The following PATJ variants were observed in gnomAD, a reference collection of about 807,000 sequenced individuals.
The protein encoded by PATJ is inaD-like protein.
A neutral mutation model predicts 224.9 loss-of-function variants in PATJ; 190 were observed. The ratio of observed to expected loss-of-function variants is 0.84; its 90% CI spans 0.75 to 0.95. PATJ has a LOEUF of 0.95. PATJ is among the 40% of genes least tolerant of loss of function. The pLI is 0.00. For missense variants in PATJ, 2,121 were observed against 2,270.3 expected, an observed-to-expected ratio of 0.93 and a Z score of 1.34; for synonymous variants, 769 against 820.3, an observed-to-expected ratio of 0.94 and a Z score of 1.07.
At chr1:61,805,679 T>TC (rs535867726) in intron 13 of PATJ, among the ~76,000 whole-genome samples, 155 bp downstream of exon 13, 4 of 152,118 alleles carry the variant, frequency 2.6e-5, no homozygotes, top group East Asian at 1.9e-4. Context: ...TCGATTTTTT[T>TC]CCCCCCATCT....
intron 26 of PATJ, 128 bp from the exon 27 acceptor site, chr1:61,927,602 C>T (rs1029717428): frequency 1.6e-6 from 1 of 610,162 alleles, no homozygotes; most frequent in South Asian, 2.2e-5. Context: ...GTTTTACAGT[C>T]CTCATGATAT....
At chr1:62,149,648 C>T (rs189709683) in intron 42 of PATJ, among the ~76,000 whole-genome samples, 4 of 151,604 alleles carry the variant, frequency 2.6e-5, no homozygotes, top group East Asian at 3.9e-4. Flanking sequence ...GGAAGTACAG[C>T]GTACCTTTAG....
rs755465552 is a variant in PATJ at position 61,875,367 on chromosome 1, GT to G, written c.2959+4del. The stretch of plus-strand genomic sequence containing the variant: ...TTAGCAAAAACTAGTCTGGATTTAG[GT>G]TTGTGACTTTTGTTTCTCATAAACA... On this transcript the variant is annotated splice_donor_variant, in intron 21 of 43. Transcript: ENST00000642238. LOFTEE classifies it high-confidence loss of function. 6 of 1,597,142 alleles carry G rather than the reference GT, an allele frequency of 3.8e-6. No individual in the cohort carries two copies. Among genetic ancestry groups the G allele is most frequent in the Non-Finnish European group, 5.1e-6 (6 of 1,174,570 alleles).
At chr1:61,946,836 G>A (rs949934906) in intron 27 of PATJ, among the ~76,000 whole-genome samples, 1 of 152,088 alleles carries the variant, frequency 6.6e-6, no homozygotes, top group Non-Finnish European at 1.5e-5. Context: ...CCAGCAAACC[G>A]AATCCAGCAG....
At chr1:61,820,698 A>C (rs184144449) in intron 14 of PATJ, among the ~76,000 whole-genome samples, 12 of 152,306 alleles carry the variant, frequency 7.9e-5, no homozygotes, top group Middle Eastern at 6.8e-3. Flanking sequence ...TTGTTTAACA[A>C]CTGGCTTGCA....
chr1:61,815,428 CT>C (rs1054267065), intron 14 of PATJ, among the ~76,000 whole-genome samples: 1 of 152,192 alleles, frequency 6.6e-6, no homozygotes, highest in African/African-American at 2.4e-5. Context: ...TGTCTATGAT[CT>C]TAGGTCCAGG....
chr1:61,757,247 T>C (rs1645702067), intron 1 of PATJ, among the ~76,000 whole-genome samples: 1 of 151,970 alleles, frequency 6.6e-6, no homozygotes, highest in Non-Finnish European at 1.5e-5. Context: ...ATTTTTAAAA[T>C]TTTTTGTAGA....
At chr1:62,155,185 C>G (rs1463744020) in intron 43 of PATJ, among the ~76,000 whole-genome samples, 1 of 152,166 alleles carries the variant, frequency 6.6e-6, no homozygotes, top group Non-Finnish European at 1.5e-5. Flanking sequence ...TTAACACGTT[C>G]TGCTGGCCTG....
intron 27 of PATJ, among the ~76,000 whole-genome samples, chr1:61,983,541 T>A (rs146187926): frequency 0.013 from 2,044 of 152,230 alleles, 38 homozygotes; most frequent in Middle Eastern, 0.041. Flanking sequence ...GAGAAAAAAA[T>A]TGTATCTGTC....
At chr1:61,990,556 C>A (rs2149546221) in intron 28 of PATJ, 192 bp downstream of exon 28, 1 of 428,878 alleles carries the variant, frequency 2.3e-6, no homozygotes, top group Non-Finnish European at 4.0e-6. Context: ...TAAGTAAAAA[C>A]TAATCTCACA....
chr1:61,891,757 A>G (rs1423081139), intron 22 of PATJ, among the ~76,000 whole-genome samples: 1 of 152,190 alleles, frequency 6.6e-6, no homozygotes. Context: ...AAGCTCTTAA[A>G]CACCATTTTA....
intron 5 of PATJ, among the ~76,000 whole-genome samples, chr1:61,769,633 T>C (rs1183900922): frequency 6.6e-6 from 1 of 152,158 alleles, no homozygotes; most frequent in Non-Finnish European, 1.5e-5. Context: ...TTCCATTCTG[T>C]AGATGAGAAA....
chr1:61,887,049 A>G (rs1668984855), intron 22 of PATJ, among the ~76,000 whole-genome samples: 1 of 151,706 alleles, frequency 6.6e-6, no homozygotes, highest in South Asian at 2.1e-4. Flanking sequence ...GAAAATATAT[A>G]TATGTGTATA....
At chr1:62,029,363 G>C (rs1648741932) in intron 29 of PATJ, among the ~76,000 whole-genome samples, 1 of 152,180 alleles carries the variant, frequency 6.6e-6, no homozygotes, top group Non-Finnish European at 1.5e-5. Context: ...GGCTTGTTGT[G>C]TTTCCCTGAA....
chr1:61,965,172 T>C (rs535563976), intron 27 of PATJ, among the ~76,000 whole-genome samples: 1 of 128,950 alleles, frequency 7.8e-6, no homozygotes, highest in East Asian at 2.4e-4. Context: ...GGAGCCTTCA[T>C]GTGTAGAGAT....
In PATJ at chr1:62,057,985, A is replaced by C. The variant is rs147866997; in HGVS notation, c.4125+6927A>C. On this transcript the variant is annotated intron_variant, in intron 31 of 43. Transcript: ENST00000642238. ...GACCTGGTTTGTATACAGCTGCCTC[A>C]AGAACTCTTTAGATTTTTCAAAAAT... Among the ~76,000 whole-genome samples, 464 of 152,332 alleles carry C rather than the reference A, an allele frequency of 3.0e-3. 1 individual carries two copies. The highest frequency in any genetic ancestry group is 0.01 in the African/African-American group (432 of 41,566).
chr1:62,136,383 C>T (rs1666867185), intron 41 of PATJ, among the ~76,000 whole-genome samples: 1 of 151,906 alleles, frequency 6.6e-6, no homozygotes, highest in South Asian at 2.1e-4. Flanking sequence ...TCTGGTGTCA[C>T]TAAAATCAGG....
intron 16 of PATJ, 85 bp downstream of exon 16, chr1:61,827,668 G>C (rs1658518740): frequency 2.6e-5 from 34 of 1,292,424 alleles, no homozygotes; most frequent in Non-Finnish European, 3.5e-5. Context: ...AAGAAGGGAG[G>C]GGAAACCATT....
chr1:62,052,971 C>T (rs962715826), intron 31 of PATJ, among the ~76,000 whole-genome samples: 1 of 152,116 alleles, frequency 6.6e-6, no homozygotes, highest in Non-Finnish European at 1.5e-5. Context: ...GGTAGGCATC[C>T]CCAATTTCAT....
Sources: gnomAD v4.1 joint callset for allele counts (sites outside exome capture counted in the v4.1 genomes callset) on GRCh38, gnomAD v4.1.1 for gene constraint, MANE v1.5 for transcripts, NCBI Gene and HGNC (gene_info 2026-07-23, HGNC 2026-07-21) for gene names.